The following DDR2 variants were observed in gnomAD, a reference collection of about 807,000 sequenced individuals.
The protein encoded by DDR2 is discoidin domain-containing receptor 2.
Under a neutral mutation model 94.9 loss-of-function variants are expected in DDR2, and 27 were observed. The ratio of observed to expected loss-of-function variants is 0.28; its 90% CI spans 0.21 to 0.39. The LOEUF is 0.39. DDR2 is among the 10% of genes least tolerant of loss of function. The probability of loss-of-function intolerance (pLI) is 1.00; values close to 1 mark genes in which losing one functional copy is unlikely to be tolerated. For synonymous variants in DDR2, 382 were observed against 377.2 expected (o/e 1.01, Z -0.15); for missense variants, 783 against 1,076.0 (o/e 0.73, Z 3.81).
At chr1:162,640,224 T>C (rs538315733) in intron 1 of DDR2, among the ~76,000 whole-genome samples, 2 of 152,152 alleles carry the variant, frequency 1.3e-5, no homozygotes, top group African/African-American at 4.8e-5. Context: ...GTATTTTTAG[T>C]ACAGACAGGG....
chr1:162,653,517 C>T (rs1004605065), intron 1 of DDR2, among the ~76,000 whole-genome samples: 4 of 151,672 alleles, frequency 2.6e-5, no homozygotes, highest in Admixed American at 6.6e-5. Flanking sequence ...GCGGAGGTTG[C>T]AGTGGCTGAG....
rs1302931350 is a variant in DDR2, at chr1:162,745,831, T to C, written c.83-7264T>C. ...GTGGTTCCATATAAATTTTAGGGTT[T>C]AAAATTATTTCAAAATAATTTCTGT... On this transcript the variant is annotated intron_variant, in intron 3 of 17. Transcript: ENST00000367921. Among the ~76,000 whole-genome samples the C allele has an allele frequency of 1.3e-5, 2 of 152,232 alleles. 1 individual carries two copies. Among genetic ancestry groups the C allele is most frequent in the East Asian group, 3.8e-4 (2 of 5,206 alleles).
intron 3 of DDR2, among the ~76,000 whole-genome samples, chr1:162,729,180 C>G (rs1469821973): frequency 1.3e-5 from 2 of 150,600 alleles, no homozygotes; most frequent in African/African-American, 4.9e-5. Context: ...AAGACCGACT[C>G]AAGTTGCTTT....
At chr1:162,692,213 C>T (rs1256689108) in intron 2 of DDR2, among the ~76,000 whole-genome samples, 1 of 152,234 alleles carries the variant, frequency 6.6e-6, no homozygotes, top group Non-Finnish European at 1.5e-5. Flanking sequence ...AAAGTGCCTT[C>T]CCTCCACCTC....
chr1:162,722,725 G>T (rs1281044434), intron 3 of DDR2, among the ~76,000 whole-genome samples: 2 of 152,224 alleles, frequency 1.3e-5, no homozygotes, highest in African/African-American at 4.8e-5. Flanking sequence ...TTGTGTGACA[G>T]TGAGGGAGTT....
Position 162,772,199 on chromosome 1 carries a change from G to A in DDR2, c.1680G>A (p.Arg560=), listed in dbSNP as rs773387852. Reference sequence around the variant, plus strand: ...ATGTGGCTGTGGAGGAGTTCCCCAGGAAACTCCTAACTTTCAAAGAGAAGC... The same window carrying A: ...ATGTGGCTGTGGAGGAGTTCCCCAGAAAACTCCTAACTTTCAAAGAGAAGC... ...GKDVAVEEFP[R]KLLTFKEKLG... Residue 560 remains arginine, a synonymous_variant, in exon 13 of 18, where the codon AGG becomes AGA. Transcript: ENST00000367921. 8.1e-6 allele frequency: 13 copies of A among 1,614,234 alleles called. No individual in the cohort carries two copies. The highest frequency in any genetic ancestry group is 1.0e-5 in the Non-Finnish European group (12 of 1,180,048).
Position 162,783,533 on chromosome 1 carries a change from G to A in DDR2, c.*3287G>A, listed in dbSNP as rs547402002. ...GGTCAAGTCGAGCAAGGTAGAAACA[G>A]GAGTAGCTAGAGCCATTGGGAATCC... On this transcript the variant is annotated 3_prime_UTR_variant, in exon 18 of 18. Coordinates refer to ENST00000367921, the MANE Select transcript of DDR2 (RefSeq NM_006182.4). 2.0e-5 allele frequency: 3 copies of A among 152,332 alleles called. No homozygotes were observed. Among genetic ancestry groups the A allele is most frequent in the African/African-American group, 7.2e-5 (3 of 41,576 alleles). 9.4% of individuals were successfully genotyped at this position (152,332 alleles called of 1,614,324 possible).
At chr1:162,694,991 C>T (rs567448853) in intron 2 of DDR2, among the ~76,000 whole-genome samples, 4 of 152,198 alleles carry the variant, frequency 2.6e-5, no homozygotes, top group Admixed American at 1.3e-4. Flanking sequence ...GAAAAATATT[C>T]AAATGTCGAA....
At chr1:162,657,074 A>T (rs1411279353) in intron 2 of DDR2, among the ~76,000 whole-genome samples, 1 of 151,766 alleles carries the variant, frequency 6.6e-6, no homozygotes, top group Non-Finnish European at 1.5e-5. Context: ...TCCTGAGCTC[A>T]AGCAATCCTA....
At position 162,675,724 on chromosome 1, in the gene DDR2, T is replaced by C. The variant is rs149708597; in HGVS notation, c.-28+20350T>C. Among the ~76,000 whole-genome samples the C allele has an allele frequency of 1.5e-3, 235 of 152,236 alleles. 5 individuals are homozygous for C. Among genetic ancestry groups the C allele is most frequent in the African/African-American group, 5.2e-3 (218 of 41,540 alleles). On this transcript the variant is annotated intron_variant, in intron 2 of 17. Transcript: ENST00000367921. ...TCAGTAATGGGAAGTAGAGAAGTGG[T>C]CAATGAAGTTTTATTTAAGCAGAAA...
chr1:162,767,916 T>C (rs770886097), intron 11 of DDR2, among the ~76,000 whole-genome samples: 1 of 152,144 alleles, frequency 6.6e-6, no homozygotes, highest in Non-Finnish European at 1.5e-5. Context: ...AGGTTGTGAT[T>C]ATGTATCCCT....
intron 11 of DDR2, among the ~76,000 whole-genome samples, chr1:162,769,039 C>T (rs956711380): frequency 2.6e-5 from 4 of 152,228 alleles, no homozygotes; most frequent in African/African-American, 7.2e-5. Flanking sequence ...ACATTTTAGC[C>T]AAGGGGGAAA....
In DDR2 at chr1:162,636,115, T is replaced by C. The variant is rs146557036; in HGVS notation, c.-192+3484T>C. Among the ~76,000 whole-genome samples, 213 of 152,382 alleles carry C rather than the reference T, an allele frequency of 1.4e-3. 4 individuals are homozygous for C. Among genetic ancestry groups the C allele is most frequent in the African/African-American group, 4.8e-3 (198 of 41,594 alleles). The stretch of plus-strand genomic sequence containing the variant: ...GCTATTATTAAGCCTGCATTATTCA[T>C]GTACGATTTGGCTAAAAATGGTTCT... On this transcript the variant is annotated intron_variant, in intron 1 of 17. Transcript: ENST00000367921.
chr1:162,704,036 C>A (rs894295936), intron 2 of DDR2, among the ~76,000 whole-genome samples: 2 of 152,170 alleles, frequency 1.3e-5, no homozygotes, highest in African/African-American at 4.8e-5. Context: ...CTTCAGCCTC[C>A]CTTTTAAAGC....
intron 3 of DDR2, among the ~76,000 whole-genome samples, chr1:162,731,567 A>G (rs1245359231): frequency 3.9e-5 from 6 of 152,230 alleles, no homozygotes. Flanking sequence ...ATTCCTATAA[A>G]CAAGTGCAAT....
chr1:162,726,087 G>A (rs888924892), intron 3 of DDR2, among the ~76,000 whole-genome samples: 6 of 152,182 alleles, frequency 3.9e-5, no homozygotes, highest in African/African-American at 1.4e-4. Context: ...ACTGATCGCT[G>A]CCTTAAGGGC....
At chr1:162,654,614 T>A (rs571127628) in intron 1 of DDR2, among the ~76,000 whole-genome samples, 2 of 152,308 alleles carry the variant, frequency 1.3e-5, no homozygotes, top group South Asian at 2.1e-4. Context: ...TCACTTTTCA[T>A]CGTGTGGAGC....
Position 162,761,456 on chromosome 1 carries a change from T to A in DDR2, c.1099+2T>A, listed in dbSNP as rs2102156340. On this transcript the variant is annotated splice_donor_variant, in intron 9 of 17. Transcript: ENST00000367921. LOFTEE classifies it high-confidence loss of function. Reference sequence around the variant, plus strand: ...TCAGTGAGATCACCTTCCAATCAGGTAGGGAGCTCAGGTCCTCTTTGGGAA... The same window carrying A: ...TCAGTGAGATCACCTTCCAATCAGGAAGGGAGCTCAGGTCCTCTTTGGGAA... The A allele has an allele frequency of 1.2e-6, 2 of 1,614,036 alleles. No individual in the cohort carries two copies. Among genetic ancestry groups the A allele is most frequent in the Non-Finnish European group, 1.7e-6 (2 of 1,179,978 alleles).
At chr1:162,703,901 T>C (rs1251233813) in intron 2 of DDR2, among the ~76,000 whole-genome samples, 1 of 152,170 alleles carries the variant, frequency 6.6e-6, no homozygotes, top group African/African-American at 2.4e-5. Context: ...CCCCATGGGA[T>C]TGATGACATC....
Sources: gnomAD v4.1 joint callset for allele counts (sites outside exome capture counted in the v4.1 genomes callset) on GRCh38, gnomAD v4.1.1 for gene constraint, MANE v1.5 for transcripts, NCBI Gene and HGNC (gene_info 2026-07-23, HGNC 2026-07-21) for gene names.